The following L3MBTL4 variants were observed in gnomAD, a reference collection of about 807,000 sequenced individuals.
L3MBTL4 encodes the protein L3MBTL histone methyl-lysine binding protein 4, also known as lethal(3)malignant brain tumor-like protein 4.
Under a neutral mutation model 84.5 loss-of-function variants are expected in L3MBTL4, and 70 were observed. That is an observed-to-expected ratio of 0.83 (90% CI 0.68 to 1.01). L3MBTL4 has a LOEUF of 1.01. Among genes scored for constraint, L3MBTL4 ranks in the 50% least tolerant of loss-of-function variants. The pLI, the probability that L3MBTL4 is intolerant of heterozygous loss-of-function variation, is 0.00. For missense variants in L3MBTL4, 715 were observed against 754.8 expected (o/e 0.95, Z 0.62); for synonymous variants, 274 against 259.8 (o/e 1.05, Z -0.52).
chr18:6,410,263 G>C lies in L3MBTL4; in HGVS notation c.-91+4538C>G, dbSNP rs541301045. ...TCCTTTTGCTTCCATTCCCCACCTG[G>C]CTAGCAGATACTCATCCTCAGGCAC... On this transcript the variant is annotated intron_variant, in intron 1 of 18. Coordinates refer to ENST00000317931, the MANE Select transcript of L3MBTL4 (RefSeq NM_001330559.2). Among the ~76,000 whole-genome samples the C allele has an allele frequency of 2.8e-4, 43 of 152,278 alleles. 1 individual carries two copies. Among genetic ancestry groups the C allele is most frequent in the African/African-American group, 1.0e-3 (43 of 41,538 alleles).
chr18:6,143,381 G>A (rs2060252451), intron 13 of L3MBTL4, among the ~76,000 whole-genome samples: 1 of 152,098 alleles, frequency 6.6e-6, no homozygotes. Flanking sequence ...AGAAAAACAG[G>A]AAATAAAAAT....
intron 16 of L3MBTL4, among the ~76,000 whole-genome samples, chr18:5,983,587 ACT>A (rs1390215180): frequency 6.6e-6 from 1 of 152,050 alleles, no homozygotes; most frequent in African/African-American, 2.4e-5. Flanking sequence ...CTGTCACCAC[ACT>A]CTCAAGATCC....
At chr18:6,165,985 G>T (rs561083532) in intron 13 of L3MBTL4, among the ~76,000 whole-genome samples, 4 of 152,224 alleles carry the variant, frequency 2.6e-5, no homozygotes, top group African/African-American at 9.6e-5. Flanking sequence ...GATGGAGGAA[G>T]ATCTACCAAG....
chr18:6,335,427 C>T (rs1053980684), intron 1 of L3MBTL4, among the ~76,000 whole-genome samples: 1 of 152,148 alleles, frequency 6.6e-6, no homozygotes. Flanking sequence ...AATATGCTAT[C>T]ACAGCAAACT....
At chr18:6,334,482 T>C (rs1345052270) in intron 1 of L3MBTL4, among the ~76,000 whole-genome samples, 1 of 152,228 alleles carries the variant, frequency 6.6e-6, no homozygotes. Context: ...ATTAAACTAA[T>C]AATTTTCTCT....
At chr18:6,173,848 C>A (rs2044095899) in intron 12 of L3MBTL4, among the ~76,000 whole-genome samples, 1 of 152,072 alleles carries the variant, frequency 6.6e-6, no homozygotes, top group African/African-American at 2.4e-5. Flanking sequence ...CTGGACTGCC[C>A]ATGTACCAGG....
rs1298395736 is a variant in L3MBTL4, at chr18:6,020,045, C to T, written c.1445-50483G>A. On this transcript the variant is annotated intron_variant, in intron 16 of 18. Coordinates refer to ENST00000317931, the MANE Select transcript of L3MBTL4 (RefSeq NM_001330559.2). ...AATGCAGATATAGGGAGGAACAAGA[C>T]ACACATGCTCCCTGCCCTCATGGAG... Among the ~76,000 whole-genome samples the T allele has an allele frequency of 2.6e-5, 4 of 152,288 alleles. No homozygotes were observed. In the East Asian group the frequency reaches 5.8e-4, roughly 22 times the overall value.
intron 13 of L3MBTL4, among the ~76,000 whole-genome samples, chr18:6,143,955 T>C (rs542588106): frequency 5.8e-4 from 89 of 152,232 alleles, no homozygotes; most frequent in African/African-American, 2.0e-3. Context: ...CCCAGCATTT[T>C]GGGAGGCCAA....
intron 1 of L3MBTL4, among the ~76,000 whole-genome samples, chr18:6,323,086 G>A (rs1010499036): frequency 6.6e-6 from 1 of 152,148 alleles, no homozygotes; most frequent in Non-Finnish European, 1.5e-5. Context: ...CTTCTCCTTT[G>A]TTTTCTGCCA....
intron 16 of L3MBTL4, among the ~76,000 whole-genome samples, chr18:5,988,307 T>C (rs1278136226): frequency 6.6e-6 from 1 of 152,300 alleles, no homozygotes; most frequent in East Asian, 1.9e-4. Flanking sequence ...AAAATACAAA[T>C]AAAATTTTAG....
Position 6,169,296 on chromosome 18 carries a change from A to T in L3MBTL4, c.1096+2532T>A, listed in dbSNP as rs144242185. 1.5e-3 allele frequency among the ~76,000 whole-genome samples: 234 copies of T among 152,312 alleles called. 5 individuals carry two copies. In the East Asian group the frequency reaches 0.04, roughly 26 times the overall value. On this transcript the variant is annotated intron_variant, in intron 13 of 18. Coordinates refer to ENST00000317931, the MANE Select transcript of L3MBTL4 (RefSeq NM_001330559.2). ...CAATTCCTCAGGGATCTGGAACTAG[A>T]AATACCATTTGACCCAGCCATCCCA...
intron 1 of L3MBTL4, among the ~76,000 whole-genome samples, chr18:6,344,167 A>G (rs539806057): frequency 2.6e-5 from 4 of 152,126 alleles, no homozygotes; most frequent in Non-Finnish European, 4.4e-5. Context: ...CAATGAAAAA[A>G]AGAGATGATT....
intron 16 of L3MBTL4, chr18:6,029,888 T>G (rs2055700722): frequency 1.0e-6 from 1 of 985,262 alleles, no homozygotes; most frequent in South Asian, 4.7e-5. Flanking sequence ...ATCCTGTAGA[T>G]TCTCACAAGC....
At chr18:6,324,466 T>C (rs1314691934) in intron 1 of L3MBTL4, among the ~76,000 whole-genome samples, 1 of 152,220 alleles carries the variant, frequency 6.6e-6, no homozygotes, top group Non-Finnish European at 1.5e-5. Flanking sequence ...TGCAAAGTCA[T>C]AGGAGCTGAG....
intron 4 of L3MBTL4, among the ~76,000 whole-genome samples, chr18:6,300,489 T>G (rs2050291487): frequency 1.3e-5 from 2 of 152,312 alleles, no homozygotes; most frequent in South Asian, 4.1e-4. Flanking sequence ...ACTGAAAAGC[T>G]TCCAACTGGA....
At chr18:6,155,845 C>G (rs1035445593) in intron 13 of L3MBTL4, among the ~76,000 whole-genome samples, 4 of 152,134 alleles carry the variant, frequency 2.6e-5, no homozygotes, top group East Asian at 1.9e-4. Flanking sequence ...TTATACAGCT[C>G]TCTTTCAGAA....
At chr18:6,029,549 T>C (rs1238559049) in intron 16 of L3MBTL4, 1 of 985,250 alleles carries the variant, frequency 1.0e-6, no homozygotes, top group Non-Finnish European at 1.2e-6. Flanking sequence ...AAGAAATACG[T>C]CCATTTATTG....
At chr18:6,327,119 C>A (rs575551259) in intron 1 of L3MBTL4, among the ~76,000 whole-genome samples, 22 of 152,160 alleles carry the variant, frequency 1.4e-4, no homozygotes, top group Non-Finnish European at 4.4e-5. Flanking sequence ...GTAAGGCTCA[C>A]CAAGTGTTGA....
At chr18:6,271,465 G>C (rs985627653) in intron 4 of L3MBTL4, among the ~76,000 whole-genome samples, 2 of 152,182 alleles carry the variant, frequency 1.3e-5, no homozygotes, top group Non-Finnish European at 2.9e-5. Flanking sequence ...AAAGGGAGAA[G>C]GCAAAATAGT....
Sources: allele counts gnomAD v4.1 joint callset (sites outside exome capture counted in the v4.1 genomes callset), GRCh38; gene constraint gnomAD v4.1.1; transcripts MANE v1.5; gene names NCBI Gene and HGNC (gene_info 2026-07-23, HGNC 2026-07-21).